Variants in VPS13B observed in about 807,000 individuals in gnomAD.
The protein encoded by VPS13B is intermembrane lipid transfer protein VPS13B.
Under a neutral mutation model 426.4 loss-of-function variants are expected in VPS13B, and 285 were observed. That is an observed-to-expected ratio of 0.67 (90% CI 0.61 to 0.74). VPS13B has a LOEUF of 0.74. VPS13B is among the 30% of genes least tolerant of loss of function. The pLI, the probability that VPS13B is intolerant of heterozygous loss-of-function variation, is 0.00. For synonymous variants in VPS13B, 1,676 were observed against 1,676.4 expected (o/e 1.00, Z 0.01); for missense variants, 4,537 against 4,782.6 (o/e 0.95, Z 1.51).
chr8:99,532,606 C>G (rs1429673409), intron 30 of VPS13B, among the ~76,000 whole-genome samples: 2 of 152,008 alleles, frequency 1.3e-5, no homozygotes, highest in Middle Eastern at 3.4e-3. Context: ...TTGTGAGCAA[C>G]TTTTGCAACA....
At chr8:99,124,548 A>T (rs1848098358) in intron 8 of VPS13B, among the ~76,000 whole-genome samples, 1 of 152,180 alleles carries the variant, frequency 6.6e-6, no homozygotes, top group East Asian at 1.9e-4. Context: ...ATGAATAAAC[A>T]AATTGTGGTA....
In VPS13B at chr8:99,677,065, G is replaced by A. The variant is rs939939744; in HGVS notation, c.6046+15574G>A. Reference sequence around the variant, plus strand: ...CAGGAGGCAGAAGGTGCAATGAGCCGAGATCGTGTCATTGCACTTCAGCCT... The same window carrying A: ...CAGGAGGCAGAAGGTGCAATGAGCCAAGATCGTGTCATTGCACTTCAGCCT... On this transcript the variant is annotated intron_variant, in intron 35 of 61. Transcript: ENST00000357162. Among the ~76,000 whole-genome samples the A allele has an allele frequency of 3.3e-5, 5 of 152,104 alleles. No homozygotes were observed. The South Asian group carries it at 6.2e-4, about 19-fold the overall frequency.
At chr8:99,650,785 G>T (rs966939583) in intron 34 of VPS13B, among the ~76,000 whole-genome samples, 1 of 152,168 alleles carries the variant, frequency 6.6e-6, no homozygotes, top group African/African-American at 2.4e-5. Context: ...AAGGGCAGGG[G>T]ATTACTGTAT....
chr8:99,080,784 TG>T (rs1171090546), intron 3 of VPS13B, among the ~76,000 whole-genome samples: 1 of 152,218 alleles, frequency 6.6e-6, no homozygotes, highest in Non-Finnish European at 1.5e-5. Context: ...TTTCCTTAGC[TG>T]TCTTAGCATT....
intron 24 of VPS13B, among the ~76,000 whole-genome samples, chr8:99,479,764 T>C (rs1057203626): frequency 6.6e-6 from 1 of 152,252 alleles, no homozygotes; most frequent in Admixed American, 6.5e-5. Context: ...AACAGCATCC[T>C]GTCATGTGAA....
At chr8:99,192,501 A>T (rs1440799839) in intron 16 of VPS13B, among the ~76,000 whole-genome samples, 1 of 152,214 alleles carries the variant, frequency 6.6e-6, no homozygotes, top group African/African-American at 2.4e-5. Context: ...GGAAGGATTC[A>T]ACGTGTTAAC....
Position 99,809,318 on chromosome 8 carries a change from G to A in VPS13B, c.7942-57G>A, listed in dbSNP as rs73703009. On this transcript the variant is annotated intron_variant, in intron 43 of 61. Coordinates refer to ENST00000357162, the MANE Select transcript of VPS13B (RefSeq NM_152564.5). ...TTCCAGCAATGAGACTTTCATTTTA[G>A]GACTAGGTTTTTGTTGGCACGTTTG... 65 of 1,608,764 alleles carry A rather than the reference G, an allele frequency of 4.0e-5. No individual in the cohort carries two copies. In the African/African-American group the frequency reaches 6.8e-4, roughly 17 times the overall value.
intron 24 of VPS13B, among the ~76,000 whole-genome samples, chr8:99,479,722 A>T (rs1819936685): frequency 6.6e-6 from 1 of 152,166 alleles, no homozygotes; most frequent in African/African-American, 2.4e-5. Context: ...ACATTGTTGC[A>T]TGCATCAATA....
chr8:99,472,155 T>G (rs535608816), intron 24 of VPS13B, among the ~76,000 whole-genome samples: 1 of 152,158 alleles, frequency 6.6e-6, no homozygotes, highest in South Asian at 2.1e-4. Context: ...AGAATCGTAG[T>G]AGGAAATTTT....
Position 99,734,189 on chromosome 8 carries a change from T to C in VPS13B, c.7050+13142T>C, listed in dbSNP as rs565856928. Among the ~76,000 whole-genome samples the C allele has an allele frequency of 4.6e-5, 7 of 152,352 alleles. No homozygotes were observed. In the East Asian group the frequency reaches 1.2e-3, roughly 25 times the overall value. On this transcript the variant is annotated intron_variant, in intron 39 of 61. Coordinates refer to ENST00000357162, the MANE Select transcript of VPS13B (RefSeq NM_152564.5). ...TTCACAGTTCATCCATGTCGTATCATGTATCTGTACTTCATTCCTTTCTGT... is the reference window on the plus strand; with the variant it reads ...TTCACAGTTCATCCATGTCGTATCACGTATCTGTACTTCATTCCTTTCTGT...
intron 33 of VPS13B, among the ~76,000 whole-genome samples, chr8:99,631,275 G>A (rs1178329415): frequency 6.6e-6 from 1 of 151,978 alleles, no homozygotes; most frequent in Non-Finnish European, 1.5e-5. Flanking sequence ...TCATGTCTTA[G>A]CCCCATTTCT....
chr8:99,594,678 TC>T (rs1278103531), intron 33 of VPS13B, among the ~76,000 whole-genome samples: 4 of 151,982 alleles, frequency 2.6e-5, no homozygotes, highest in African/African-American at 7.2e-5. Context: ...TCCATAGACT[TC>T]TGTCCAGTTG....
rs1298249094 is a variant in VPS13B, at chr8:99,423,896, G to C, written c.3083-7641G>C. Among the ~76,000 whole-genome samples the C allele has an allele frequency of 2.6e-5, 4 of 152,226 alleles. No homozygotes were observed. The East Asian group carries it at 7.7e-4, about 29-fold the overall frequency. Reference sequence around the variant, plus strand: ...AAGAATGCATATACGTTGATTTGGGGTGGAGAGTTCCTTAGATGTTTATTA... The same window carrying C: ...AAGAATGCATATACGTTGATTTGGGCTGGAGAGTTCCTTAGATGTTTATTA... On this transcript the variant is annotated intron_variant, in intron 21 of 61. Transcript: ENST00000357162.
At chr8:99,344,526 C>A (rs866482289) in intron 19 of VPS13B, among the ~76,000 whole-genome samples, 1 of 152,140 alleles carries the variant, frequency 6.6e-6, no homozygotes, top group Non-Finnish European at 1.5e-5. Context: ...AGTAGCAGTA[C>A]CACATTATAT....
At chr8:99,320,810 G>C (rs552880112) in intron 19 of VPS13B, among the ~76,000 whole-genome samples, 2 of 152,276 alleles carry the variant, frequency 1.3e-5, no homozygotes, top group Admixed American at 1.3e-4. Context: ...GATATTCACA[G>C]TGTGAACAAG....
intron 22 of VPS13B, 104 bp from the exon 23 acceptor site, chr8:99,442,297 T>C (rs1028013238): frequency 1.1e-6 from 1 of 933,318 alleles, no homozygotes; most frequent in African/African-American, 1.7e-5. Context: ...GACATAAATA[T>C]GGAACATTTA....
chr8:99,511,561 G>C, intron 29 of VPS13B, 49 bp downstream of exon 29: 2 of 1,575,152 alleles, frequency 1.3e-6, no homozygotes, highest in East Asian at 2.3e-5. Flanking sequence ...TTTTCTTCTA[G>C]AGACCTTAGT....
chr8:99,798,823 A>G (rs377545031), intron 43 of VPS13B, among the ~76,000 whole-genome samples: 15 of 152,330 alleles, frequency 9.8e-5, no homozygotes, highest in African/African-American at 2.6e-4. Context: ...ATGTCTAAAC[A>G]TAAAGGTCCT....
chr8:99,697,150 C>G, intron 35 of VPS13B: 1 of 537,774 alleles, frequency 1.9e-6, no homozygotes, highest in South Asian at 1.9e-5. Flanking sequence ...CAGACTCTCC[C>G]AGAGATTGTG....
Sources: gnomAD v4.1 joint callset for allele counts (sites outside exome capture counted in the v4.1 genomes callset) on GRCh38, gnomAD v4.1.1 for gene constraint, MANE v1.5 for transcripts, NCBI Gene and HGNC (gene_info 2026-07-23, HGNC 2026-07-21) for gene names.